The following ARL15 variants were observed in gnomAD, a reference collection of about 807,000 sequenced individuals.
ARL15 encodes the protein ARF like GTPase 15.
Under a neutral mutation model 25.2 loss-of-function variants are expected in ARL15, and 19 were observed. The observed-to-expected ratio is 0.75, with a 90% confidence interval of 0.53 to 1.10. The LOEUF is 1.10. Ranked by LOEUF, ARL15 falls within the 50% of genes least tolerant of loss-of-function variation. The probability of loss-of-function intolerance (pLI) is 0.00; values close to 1 mark genes in which losing one functional copy is unlikely to be tolerated. For synonymous variants in ARL15, 94 were observed against 86.8 expected (o/e 1.08, Z -0.46); for missense variants, 220 against 246.0 (o/e 0.89, Z 0.71).
At chr5:54,229,020 G>A (rs1296428782) in intron 1 of ARL15, among the ~76,000 whole-genome samples, 1 of 152,042 alleles carries the variant, frequency 6.6e-6, no homozygotes. Context: ...GACACTCTAG[G>A]AACACAAGGG....
Position 53,885,593 on chromosome 5 carries a change from A to G in ARL15, c.*968T>C, listed in dbSNP as rs566834198. The G allele has an allele frequency of 1.3e-3, 205 of 152,770 alleles. 2 individuals carry two copies. The highest frequency in any genetic ancestry group is 4.8e-3 in the African/African-American group (198 of 41,582). 9.5% of individuals were successfully genotyped at this position (152,770 alleles called of 1,614,324 possible). A position where few individuals can be genotyped will look rare whatever the true frequency, so the allele number is the denominator to read the frequency against. On this transcript the variant is annotated 3_prime_UTR_variant, in exon 5 of 5. Coordinates refer to ENST00000504924, the MANE Select transcript of ARL15 (RefSeq NM_019087.3). ...CTACAGTAACACGTAATGAATGAATATATAGATGATTCTGTCTTTGTTATC... is the reference window on the plus strand; with the variant it reads ...CTACAGTAACACGTAATGAATGAATGTATAGATGATTCTGTCTTTGTTATC...
At chr5:53,897,325 T>C (rs1290183861) in intron 4 of ARL15, among the ~76,000 whole-genome samples, 2 of 152,236 alleles carry the variant, frequency 1.3e-5, no homozygotes, top group East Asian at 3.9e-4. Context: ...ACATTTCATA[T>C]AGATCAAATC....
chr5:54,294,100 T>C (rs1318907720), intron 1 of ARL15, among the ~76,000 whole-genome samples: 1 of 152,142 alleles, frequency 6.6e-6, no homozygotes, highest in East Asian at 1.9e-4. Flanking sequence ...TCTTTAAAGG[T>C]TCTCCCCAAG....
rs186383345 is a variant in ARL15, at chr5:53,923,838, C to G, written c.463-37125G>C. On this transcript the variant is annotated intron_variant, in intron 4 of 4. Transcript: ENST00000504924. ...CGAGGTTGCGCCACTGCACTCCAGC[C>G]TGGGCAACAGAGCAAGACTCCGTCT... 3.4e-3 allele frequency among the ~76,000 whole-genome samples: 510 copies of G among 152,088 alleles called. 1 individual carries two copies. The highest frequency in any genetic ancestry group is 0.01 in the African/African-American group (423 of 41,488).
intron 1 of ARL15, among the ~76,000 whole-genome samples, chr5:54,271,821 T>A (rs1488179019): frequency 6.6e-6 from 1 of 152,178 alleles, no homozygotes; most frequent in Non-Finnish European, 1.5e-5. Flanking sequence ...AAGTTTATGT[T>A]CTACAAAGCA....
intron 3 of ARL15, among the ~76,000 whole-genome samples, chr5:54,138,275 C>T (rs978849194): frequency 1.1e-4 from 17 of 151,750 alleles, no homozygotes; most frequent in African/African-American, 2.7e-4. Context: ...GCCAGGAGTT[C>T]GAGGCCAGCC....
intron 1 of ARL15, among the ~76,000 whole-genome samples, chr5:54,262,305 G>GA (rs1157099234): frequency 6.6e-6 from 1 of 152,138 alleles, no homozygotes; most frequent in Non-Finnish European, 1.5e-5. Context: ...AGAATAGTGA[G>GA]AATTTCATTC....
intron 4 of ARL15, among the ~76,000 whole-genome samples, chr5:54,070,236 C>CA (rs1296120395): frequency 6.6e-6 from 1 of 151,354 alleles, no homozygotes; most frequent in African/African-American, 2.4e-5. Context: ...ACTAAAAATA[C>CA]AAAAAATTAG....
chr5:54,271,128 G>A (rs1315446708), intron 1 of ARL15, among the ~76,000 whole-genome samples: 1 of 152,186 alleles, frequency 6.6e-6, no homozygotes, highest in East Asian at 1.9e-4. Context: ...TGGCTTTCCT[G>A]GTTCTGAGGC....
intron 4 of ARL15, among the ~76,000 whole-genome samples, chr5:53,923,695 A>G (rs1394229216): frequency 2.0e-5 from 3 of 152,134 alleles, no homozygotes; most frequent in African/African-American, 7.2e-5. Context: ...TAAACAATAC[A>G]TTTTTAAAAA....
chr5:53,896,496 A>AT (rs1032235422), intron 4 of ARL15, among the ~76,000 whole-genome samples: 16 of 150,092 alleles, frequency 1.1e-4, no homozygotes, highest in Admixed American at 2.0e-4. Context: ...TTATTTATTT[A>AT]TTTTTTCTTT....
intron 4 of ARL15, among the ~76,000 whole-genome samples, chr5:53,972,888 G>C (rs900137563): frequency 1.3e-5 from 2 of 152,176 alleles, no homozygotes; most frequent in Non-Finnish European, 2.9e-5. Context: ...CGTACTGGAA[G>C]TGATTTCAAG....
At chr5:53,888,274 T>A (rs1352912560) in intron 4 of ARL15, among the ~76,000 whole-genome samples, 1 of 125,518 alleles carries the variant, frequency 8.0e-6, no homozygotes, top group African/African-American at 2.6e-5. Flanking sequence ...TATTTATTTA[T>A]TTTTTTATTT....
chr5:53,914,643 A>C (rs3822502), intron 4 of ARL15, among the ~76,000 whole-genome samples: 108,432 of 152,102 alleles, frequency 0.71, 38,670 homozygotes, highest in Middle Eastern at 0.78. Flanking sequence ...AGACCCTCTC[A>C]CTCATCTTGG....
chr5:54,259,995 C>T (rs1055099364), intron 1 of ARL15, among the ~76,000 whole-genome samples: 2 of 152,122 alleles, frequency 1.3e-5, no homozygotes, highest in African/African-American at 2.4e-5. Context: ...AGAATTCATT[C>T]GTCAACCTGA....
intron 2 of ARL15, among the ~76,000 whole-genome samples, chr5:54,161,443 C>A (rs1412797565): frequency 1.3e-5 from 2 of 152,120 alleles, no homozygotes; most frequent in South Asian, 4.1e-4. Flanking sequence ...CATACCAATG[C>A]CACTACAATC....
intron 4 of ARL15, among the ~76,000 whole-genome samples, chr5:53,942,544 G>A (rs151010256): frequency 0.022 from 3,337 of 152,166 alleles, 132 homozygotes; most frequent in African/African-American, 0.076. Context: ...TCAAGAGATC[G>A]AGACCATCCC....
Position 53,973,311 on chromosome 5 carries a change from C to T in ARL15, c.463-86598G>A, listed in dbSNP as rs527826332. ...AAATTAGGCCGGGCATGGTGGCTCA[C>T]GCCTGTAATCCCAGCACTTTGGGAA... On this transcript the variant is annotated intron_variant, in intron 4 of 4. Transcript: ENST00000504924. Among the ~76,000 whole-genome samples the T allele has an allele frequency of 7.7e-4, 117 of 152,192 alleles. 1 individual carries two copies. Among genetic ancestry groups the T allele is most frequent in the African/African-American group, 2.7e-3 (112 of 41,520 alleles).
At chr5:54,229,786 T>C (rs962457484) in intron 1 of ARL15, among the ~76,000 whole-genome samples, 18 of 152,192 alleles carry the variant, frequency 1.2e-4, no homozygotes, top group Non-Finnish European at 1.9e-4. Context: ...CTCCACACCA[T>C]AGGGGCTCCC....
Sources: allele counts gnomAD v4.1 joint callset (sites outside exome capture counted in the v4.1 genomes callset), GRCh38; gene constraint gnomAD v4.1.1; transcripts MANE v1.5; gene names NCBI Gene and HGNC (gene_info 2026-07-23, HGNC 2026-07-21).